The following ANKFN1 variants were observed in gnomAD, a reference collection of about 807,000 sequenced individuals.
ANKFN1 encodes the protein ankyrin repeat and fibronectin type III domain containing 1.
In ANKFN1, 74 loss-of-function variants were observed where a neutral mutation model predicts 108.7. The ratio of observed to expected loss-of-function variants is 0.68; its 90% confidence interval spans 0.56 to 0.83. ANKFN1 has a LOEUF of 0.83. Ranked by LOEUF, ANKFN1 falls within the 40% of genes least tolerant of loss-of-function variation. The probability of loss-of-function intolerance (pLI) is 0.00; values close to 1 mark genes in which losing one functional copy is unlikely to be tolerated. For missense variants in ANKFN1, 1,505 were observed against 1,382.3 expected, an observed-to-expected ratio of 1.09 and a Z score of -1.41; for synonymous variants, 547 against 516.2, an observed-to-expected ratio of 1.06 and a Z score of -0.81.
At chr17:56,285,639 C>T (rs966206528) in intron 3 of ANKFN1, among the ~76,000 whole-genome samples, 4 of 152,166 alleles carry the variant, frequency 2.6e-5, no homozygotes, top group African/African-American at 9.7e-5. Flanking sequence ...TCAACTCCTG[C>T]TTCTACCCAC....
chr17:56,196,384 A>G (rs530633762), intron 1 of ANKFN1, among the ~76,000 whole-genome samples: 2 of 152,286 alleles, frequency 1.3e-5, no homozygotes, highest in East Asian at 3.9e-4. Context: ...ATCAAGTATG[A>G]GAATTGAAGG....
intron 2 of ANKFN1, among the ~76,000 whole-genome samples, chr17:56,220,583 C>T (rs534666122): frequency 1.3e-5 from 2 of 151,952 alleles, no homozygotes; most frequent in South Asian, 2.1e-4. Context: ...TCACCTAGAC[C>T]AGGGAGGTTG....
intron 3 of ANKFN1, among the ~76,000 whole-genome samples, chr17:56,291,635 C>T (rs2044367157): frequency 6.6e-6 from 1 of 152,188 alleles, no homozygotes; most frequent in African/African-American, 2.4e-5. Flanking sequence ...CTTCACTTCT[C>T]TTGTGAACTT....
intron 4 of ANKFN1, among the ~76,000 whole-genome samples, chr17:56,066,084 A>T (rs138862751): frequency 9.8e-4 from 149 of 152,348 alleles, no homozygotes; most frequent in Admixed American, 2.1e-3. Context: ...GGATTACCTG[A>T]GACATTGGAG....
At chr17:56,108,149 C>T (rs920724212) in intron 4 of ANKFN1, among the ~76,000 whole-genome samples, 4 of 152,202 alleles carry the variant, frequency 2.6e-5, no homozygotes, top group Non-Finnish European at 5.9e-5. Context: ...GATTCTCCTG[C>T]CTCAGCCTCC....
chr17:56,427,751 T>A (rs545108641), intron 8 of ANKFN1, among the ~76,000 whole-genome samples: 2 of 152,232 alleles, frequency 1.3e-5, no homozygotes, highest in Admixed American at 1.3e-4. Context: ...TGGCTATTAA[T>A]CCATTTATTA....
At chr17:56,326,409 T>A in intron 4 of ANKFN1, 54 bp downstream of exon 4, 1 of 1,562,538 alleles carries the variant, frequency 6.4e-7, no homozygotes, top group Non-Finnish European at 8.6e-7. Flanking sequence ...CTTTCTTAAT[T>A]ACTGATTATT....
chr17:56,215,380 G>T (rs560677919), intron 2 of ANKFN1, among the ~76,000 whole-genome samples: 150 of 152,296 alleles, frequency 9.8e-4, no homozygotes, highest in Non-Finnish European at 1.6e-3. Flanking sequence ...ACCCTACAGG[G>T]TTATTGTGTG....
intron 17 of ANKFN1, among the ~76,000 whole-genome samples, chr17:56,481,599 G>A (rs2050705052): frequency 6.6e-6 from 1 of 152,094 alleles, no homozygotes; most frequent in South Asian, 2.1e-4. Flanking sequence ...ATACGAGAGA[G>A]AACCATGAAT....
intron 1 of ANKFN1, among the ~76,000 whole-genome samples, chr17:56,170,831 CACAT>C (rs1357087019): frequency 1.4e-5 from 2 of 141,868 alleles, no homozygotes; most frequent in Non-Finnish European, 3.0e-5. Flanking sequence ...CACACACACA[CACAT>C]ATACACACAT....
chr17:56,263,347 TGG>T (rs1307654641), intron 3 of ANKFN1, among the ~76,000 whole-genome samples: 1 of 152,112 alleles, frequency 6.6e-6, no homozygotes, highest in Non-Finnish European at 1.5e-5. Flanking sequence ...GACTAGAGAG[TGG>T]TGGTCTTTTA....
chr17:56,098,105 C>T (rs1196888246), intron 4 of ANKFN1, among the ~76,000 whole-genome samples: 2 of 151,990 alleles, frequency 1.3e-5, no homozygotes, highest in Non-Finnish European at 2.9e-5. Context: ...ACCATAGAGG[C>T]AGAGGTGGGA....
At chr17:56,050,546 A>G (rs1006227196) in intron 4 of ANKFN1, among the ~76,000 whole-genome samples, 4 of 148,100 alleles carry the variant, frequency 2.7e-5, no homozygotes, top group African/African-American at 7.5e-5. Flanking sequence ...TAAATCTTTA[A>G]TCCATCTTGA....
chr17:56,459,118 G>T (rs1244496506), intron 14 of ANKFN1, among the ~76,000 whole-genome samples: 1 of 151,688 alleles, frequency 6.6e-6, no homozygotes, highest in Non-Finnish European at 1.5e-5. Flanking sequence ...TTTTGGGTTG[G>T]TGGTGGTGGT....
chr17:56,342,650 G>A (rs114527516), intron 4 of ANKFN1, among the ~76,000 whole-genome samples: 33 of 152,112 alleles, frequency 2.2e-4, no homozygotes, highest in Non-Finnish European at 4.4e-4. Flanking sequence ...ATTGTAACGT[G>A]GTCCAAGAGA....
In ANKFN1 at chr17:56,424,692, A is replaced by G. The variant is rs564573232; in HGVS notation, c.911-15635A>G. 1.6e-4 allele frequency among the ~76,000 whole-genome samples: 25 copies of G among 152,234 alleles called. 1 individual carries two copies. The highest frequency in any genetic ancestry group is 4.6e-4 in the Admixed American group (7 of 15,300). On this transcript the variant is annotated intron_variant, in intron 8 of 20. Transcript: ENST00000682825. ...TGGGTCTGCTTTTGCCTGACGGAGT[A>G]TTTGCTCCAATCCCTAATAAGGCTG...
intron 8 of ANKFN1, among the ~76,000 whole-genome samples, chr17:56,427,063 A>G (rs1051033940): frequency 6.6e-6 from 1 of 152,242 alleles, no homozygotes; most frequent in Non-Finnish European, 1.5e-5. Context: ...AGTGAGACAC[A>G]GAGGGAAGAA....
At chr17:56,220,812 AAGGAAGGAAGGAAGGAAGGG>A (rs1567845933) in intron 2 of ANKFN1, among the ~76,000 whole-genome samples, 7 of 56,086 alleles carry the variant, frequency 1.2e-4, no homozygotes, top group African/African-American at 5.4e-4. Flanking sequence ...GGGAGGGAGG[AAGGAAGGAAGGAAGGAAGGG>A]AGGAAGGGAG....
intron 6 of ANKFN1, among the ~76,000 whole-genome samples, chr17:56,361,883 TGAGAAAGA>T (rs755653500): frequency 1.3e-5 from 2 of 151,924 alleles, no homozygotes; most frequent in African/African-American, 2.4e-5. Flanking sequence ...GAAAATGATC[TGAGAAAGA>T]GAGAAAGAGA....
Sources: allele counts gnomAD v4.1 joint callset (sites outside exome capture counted in the v4.1 genomes callset), GRCh38; gene constraint gnomAD v4.1.1; transcripts MANE v1.5; gene names NCBI Gene and HGNC (gene_info 2026-07-23, HGNC 2026-07-21).